The following DNAH2 variants were observed in gnomAD, a reference collection of about 807,000 sequenced individuals.
The protein encoded by DNAH2 is dynein axonemal heavy chain 2.
Under a neutral mutation model 523.5 loss-of-function variants are expected in DNAH2, and 323 were observed. That is an observed-to-expected ratio of 0.62 (90% CI 0.56 to 0.68). The LOEUF (loss-of-function observed/expected upper bound fraction) is 0.68. Among genes scored for constraint, DNAH2 ranks in the 30% least tolerant of loss-of-function variants. DNAH2 has a pLI of 0.00. For missense variants in DNAH2, 4,907 were observed against 5,701.5 expected (o/e 0.86, Z 4.49); for synonymous variants, 2,093 against 2,177.4 (o/e 0.96, Z 1.08).
In DNAH2 at chr17:7,818,908, C is replaced by T. The variant is rs1345403850; in HGVS notation, c.10671-11C>T. ...ACCCCTTGCTCCATGTGCCTCTGGGCCTCCCCCTAGGCTGCTGAATGAGGC... is the reference window on the plus strand; with the variant it reads ...ACCCCTTGCTCCATGTGCCTCTGGGTCTCCCCCTAGGCTGCTGAATGAGGC... On this transcript the variant is annotated splice_polypyrimidine_tract_variant and intron_variant, in intron 70 of 85. Transcript: ENST00000572933. 1.2e-6 allele frequency: 2 copies of T among 1,609,968 alleles called. No individual in the cohort carries two copies. The highest frequency in any genetic ancestry group is 1.7e-6 in the Non-Finnish European group (2 of 1,177,728).
At position 7,818,317 on chromosome 17, in the gene DNAH2, C is replaced by T. The variant is rs748268214; in HGVS notation, c.10393C>T (p.Arg3465Trp). ...TGACCCTTCCGTGGATGCAGGTGGT[C>T]GGCTGTTGATGCGCATTGGCGATAA... ...LNKSVARIGG[R>W]LLMRIGDKEV... The change falls in exon 69 of 86, where the codon CGG becomes TGG. Residue 3465 changes from arginine (R) to tryptophan (W), a missense_variant. Transcript: ENST00000572933. The T allele has an allele frequency of 1.1e-5, 17 of 1,613,936 alleles. No individual in the cohort carries two copies. The highest frequency in any genetic ancestry group is 1.3e-5 in the Non-Finnish European group (15 of 1,179,982).
chr17:7,792,213 A>G (rs1175740043), intron 45 of DNAH2, 39 bp from the exon 46 acceptor site: 1 of 1,608,918 alleles, frequency 6.2e-7, no homozygotes, highest in Admixed American at 1.7e-5. Flanking sequence ...AGAAGGCTCA[A>G]GGAAGGCTTT....
In DNAH2 at chr17:7,821,919, A is replaced by G. The variant is rs1008406175; in HGVS notation, c.11142+550A>G. On this transcript the variant is annotated intron_variant, in intron 73 of 85. Coordinates refer to ENST00000572933, the MANE Select transcript of DNAH2 (RefSeq NM_020877.5). The surrounding 1 kb of genome is among the most constrained non-coding windows in gnomAD (Gnocchi z 5.0). ...CCATGCTGCACTCTCCCGCCCTCCT[A>G]GACATTTTCTTGACTTTTCCCACCT... Among the ~76,000 whole-genome samples, 3 of 152,002 alleles carry G rather than the reference A, an allele frequency of 2.0e-5. No individual in the cohort carries two copies. Among genetic ancestry groups the G allele is most frequent in the African/African-American group, 7.3e-5 (3 of 41,364 alleles).
At position 7,788,236 on chromosome 17, in the gene DNAH2, G is replaced by C. The variant is rs1046326442; in HGVS notation, c.6892G>C (p.Glu2298Gln). The C allele has an allele frequency of 3.1e-6, 5 of 1,587,304 alleles. No individual in the cohort carries two copies. In the East Asian group the frequency reaches 1.1e-4, roughly 36 times the overall value. Reference protein sequence around the residue: ...CKLYSALATPENGVNPADGEN... With the variant: ...CKLYSALATPQNGVNPADGEN... Reference sequence around the variant, plus strand: ...GCTGTACTCTGCCCTGGCCACGCCAGAGAATGGGGTAAGGGGAGGACACAG... The same window carrying C: ...GCTGTACTCTGCCCTGGCCACGCCACAGAATGGGGTAAGGGGAGGACACAG... Residue 2298 changes from glutamate to glutamine, a missense_variant, in exon 44 of 86, where the codon GAG becomes CAG. Around this residue, in one of 3 missense-constraint regions of DNAH2, gnomAD observed 2,806 missense variants for 3,190.8 expected, o/e 0.88. Coordinates refer to ENST00000572933, the MANE Select transcript of DNAH2 (RefSeq NM_020877.5).
Position 7,801,568 on chromosome 17 carries a change from C to T in DNAH2, c.8700-10C>T, listed in dbSNP as rs1319247014. On this transcript the variant is annotated splice_polypyrimidine_tract_variant and intron_variant, in intron 56 of 85. Coordinates refer to ENST00000572933, the MANE Select transcript of DNAH2 (RefSeq NM_020877.5). ...CACGGAATTTACAGCCTCTCCAAAC[C>T]CCTTCCCAGGAACTGGATCCGCCAG... 6.2e-7 allele frequency: 1 copy of T among 1,614,096 alleles called. No individual in the cohort carries two copies.
At chr17:7,778,861 G>A (rs946880438) in intron 35 of DNAH2, among the ~76,000 whole-genome samples, 5 of 152,150 alleles carry the variant, frequency 3.3e-5, no homozygotes, top group Admixed American at 6.5e-5. Flanking sequence ...GAGCCACTGC[G>A]CCCAGCCACG....
intron 46 of DNAH2, 35 bp downstream of exon 46, chr17:7,792,378 G>A: frequency 6.2e-7 from 1 of 1,601,208 alleles, no homozygotes; most frequent in Non-Finnish European, 8.6e-7. Context: ...GAGGGCATGG[G>A]GCAGCGGTAG....
Position 7,804,294 on chromosome 17 carries a change from C to T in DNAH2, c.9011C>T (p.Ala3004Val), listed in dbSNP as rs781316235. The T allele has an allele frequency of 1.2e-6, 2 of 1,614,166 alleles. No homozygotes were observed. The highest frequency in any genetic ancestry group is 4.5e-5 in the East Asian group (2 of 44,870). The change falls in exon 59 of 86, where the codon GCC becomes GTC. Residue 3004 changes from alanine (A) to valine (V), a missense_variant. Transcript: ENST00000572933. ...GEKRQELLAQ[A>V]NKLRTGLFKI... The stretch of plus-strand genomic sequence containing the variant: ...AAACGGCAGGAGCTGCTGGCCCAAG[C>T]CAATAAACTGCGGACAGGCTTGTTC...
At chr17:7,769,166 C>A (rs1435072430) in intron 24 of DNAH2, among the ~76,000 whole-genome samples, 1 of 151,428 alleles carries the variant, frequency 6.6e-6, no homozygotes, top group Non-Finnish European at 1.5e-5. Context: ...TTTTTTTTTC[C>A]TTTTTTTGTG....
In DNAH2 at chr17:7,778,382, G is replaced by A. The variant is rs1273559561; in HGVS notation, c.5454G>A (p.Lys1818=). ...CCGAGACCGTCAAGGACCTGGGCAA[G>A]GCCCTGGGCATATATGTCATTGTGG... ...GKTETVKDLG[K]ALGIYVIVVN... Residue 1818 remains lysine, a synonymous_variant, in exon 35 of 86, where the codon AAG becomes AAA. Coordinates refer to ENST00000572933, the MANE Select transcript of DNAH2 (RefSeq NM_020877.5). 1.2e-6 allele frequency: 2 copies of A among 1,614,230 alleles called. No individual in the cohort carries two copies. Among genetic ancestry groups the A allele is most frequent in the Non-Finnish European group, 1.7e-6 (2 of 1,180,038 alleles).
Position 7,831,265 on chromosome 17 carries a change from A to T in DNAH2, c.12410A>T (p.Gln4137Leu). Residue 4137 changes from glutamine (Q) to leucine (L), a missense_variant, in exon 80 of 86, where the codon CAA becomes CTA. Around this residue, in one of 3 missense-constraint regions of DNAH2, gnomAD observed 1,851 missense variants for 2,139.4 expected, o/e 0.87. Coordinates refer to ENST00000572933, the MANE Select transcript of DNAH2 (RefSeq NM_020877.5). The surrounding 1 kb of genome is among the most constrained non-coding windows in gnomAD (Gnocchi z 4.2). ...QTLFDTLLSL[Q>L]PQITPTRAGG... is the part of the protein sequence containing the mutation. ...CTCTTTGATACTTTGCTTTCCTTGC[A>T]ACCTCAGATTACACCCACCAGGGCT... The T allele has an allele frequency of 1.2e-6, 2 of 1,614,110 alleles. No homozygotes were observed. The highest frequency in any genetic ancestry group is 1.7e-6 in the Non-Finnish European group (2 of 1,180,016).
intron 12 of DNAH2, among the ~76,000 whole-genome samples, chr17:7,749,984 G>A (rs1254373114): frequency 3.3e-5 from 5 of 152,134 alleles, no homozygotes; most frequent in East Asian, 1.9e-4. Flanking sequence ...GCGACAGAGC[G>A]AGACTCTGTC....
chr17:7,739,666 A>C (rs1452534436), intron 8 of DNAH2, 67 bp from the exon 9 acceptor site: 1 of 1,457,514 alleles, frequency 6.9e-7, no homozygotes, highest in East Asian at 2.3e-5. Flanking sequence ...TTGAAGCTAA[A>C]CCAAATAGCT....
At chr17:7,789,329 G>A (rs1329280484) in intron 44 of DNAH2, among the ~76,000 whole-genome samples, 1 of 152,204 alleles carries the variant, frequency 6.6e-6, no homozygotes, top group African/African-American at 2.4e-5. Flanking sequence ...CTGCAGAAGT[G>A]CAGACACACA....
At chr17:7,768,465 A>G (rs2076231260) in intron 24 of DNAH2, among the ~76,000 whole-genome samples, 198 bp downstream of exon 24, 2 of 152,248 alleles carry the variant, frequency 1.3e-5, no homozygotes, top group Non-Finnish European at 2.9e-5. Flanking sequence ...TTTGGTGTAC[A>G]GCATAATGTT....
At chr17:7,765,619 C>T in intron 21 of DNAH2, 54 bp downstream of exon 21, 2 of 1,563,668 alleles carry the variant, frequency 1.3e-6, no homozygotes, top group Non-Finnish European at 8.7e-7. Context: ...GAGACCCCGC[C>T]TTCCAAGCCC....
intron 4 of DNAH2, among the ~76,000 whole-genome samples, chr17:7,728,048 G>A (rs1239648822): frequency 6.6e-6 from 1 of 152,138 alleles, no homozygotes; most frequent in Non-Finnish European, 1.5e-5. Flanking sequence ...AGGGGCTTGG[G>A]GTCAGCTTAT....
chr17:7,777,901 T>G (rs1376686462), intron 33 of DNAH2, among the ~76,000 whole-genome samples, 176 bp from the exon 34 acceptor site: 1 of 152,132 alleles, frequency 6.6e-6, no homozygotes, highest in East Asian at 1.9e-4. Flanking sequence ...ATGTGCAACA[T>G]GAAACCCATT....
chr17:7,748,322 A>G (rs1207410285), intron 12 of DNAH2, among the ~76,000 whole-genome samples: 3 of 152,166 alleles, frequency 2.0e-5, no homozygotes, highest in Non-Finnish European at 4.4e-5. Context: ...TTTTGTTCCC[A>G]GAGCTTCTCT....
Sources: allele counts gnomAD v4.1 joint callset (sites outside exome capture counted in the v4.1 genomes callset), GRCh38; gene constraint gnomAD v4.1.1; regional missense constraint gnomAD v4.1.1; non-coding constraint Gnocchi (gnomAD v3.1); transcripts MANE v1.5; gene names NCBI Gene and HGNC (gene_info 2026-07-23, HGNC 2026-07-21).